TENM4: variants seen among roughly 807,000 people sequenced by gnomAD.
TENM4 encodes the protein teneurin-4.
A neutral mutation model predicts 243.3 loss-of-function variants in TENM4; 82 were observed. The ratio of observed to expected loss-of-function variants is 0.34; its 90% confidence interval spans 0.28 to 0.40. TENM4 has a LOEUF of 0.40. Ranked by LOEUF, TENM4 falls within the 10% of genes least tolerant of loss-of-function variation. The pLI is 1.00. For missense variants in TENM4, 3,138 were observed against 3,673.3 expected (o/e 0.85, Z 3.77); for synonymous variants, 1,412 against 1,456.3 (o/e 0.97, Z 0.69).
chr11:79,245,098 A>G (rs1183411841), intron 2 of TENM4, among the ~76,000 whole-genome samples: 2 of 152,202 alleles, frequency 1.3e-5, no homozygotes, highest in Non-Finnish European at 1.5e-5. Context: ...GTTTATGGCC[A>G]TGGTGCTCTC....
At chr11:79,113,262 A>G (rs5792838) in intron 4 of TENM4, among the ~76,000 whole-genome samples, 3 of 83,956 alleles carry the variant, frequency 3.6e-5, no homozygotes, top group Non-Finnish European at 6.4e-5. Flanking sequence ...AAGAGAGGGA[A>G]GGGGAAGGCT....
At chr11:79,306,049 C>T (rs549661989) in intron 1 of TENM4, among the ~76,000 whole-genome samples, 1 of 152,334 alleles carries the variant, frequency 6.6e-6, no homozygotes, top group African/African-American at 2.4e-5. Context: ...GCCCTCTGAT[C>T]CCTGCACCAC....
At chr11:79,317,889 G>T (rs1330209447) in intron 1 of TENM4, among the ~76,000 whole-genome samples, 1 of 152,138 alleles carries the variant, frequency 6.6e-6, no homozygotes, top group Non-Finnish European at 1.5e-5. Flanking sequence ...TGTCACTGAG[G>T]AATTGTCCTG....
At chr11:79,010,105 TAA>T (rs1274369274) in intron 6 of TENM4, among the ~76,000 whole-genome samples, 1 of 152,172 alleles carries the variant, frequency 6.6e-6, no homozygotes, top group Non-Finnish European at 1.5e-5. Context: ...GTGAGTCAAT[TAA>T]ACCTCTTTCC....
chr11:78,949,991 C>T (rs111999792), intron 6 of TENM4, among the ~76,000 whole-genome samples: 8 of 151,632 alleles, frequency 5.3e-5, no homozygotes, highest in Non-Finnish European at 1.0e-4. Context: ...CTTTGGTTGG[C>T]GGGGCGGGGG....
At chr11:78,956,989 A>G (rs996628026) in intron 6 of TENM4, among the ~76,000 whole-genome samples, 4 of 152,216 alleles carry the variant, frequency 2.6e-5, no homozygotes, top group Non-Finnish European at 4.4e-5. Flanking sequence ...TAAATTAAAT[A>G]CCAATTTTAA....
intron 6 of TENM4, among the ~76,000 whole-genome samples, chr11:78,968,696 G>C (rs1003669602): frequency 3.9e-5 from 6 of 152,148 alleles, no homozygotes; most frequent in Non-Finnish European, 7.3e-5. Flanking sequence ...TTCTCACTAG[G>C]AAAATTCATC....
At chr11:78,755,253 C>T (rs1856279753) in intron 19 of TENM4, among the ~76,000 whole-genome samples, 1 of 152,170 alleles carries the variant, frequency 6.6e-6, no homozygotes, top group East Asian at 1.9e-4. Context: ...CAGCCTCAAC[C>T]TTCTGGGCTC....
chr11:78,916,927 A>G (rs749569456), intron 6 of TENM4, among the ~76,000 whole-genome samples: 9 of 152,204 alleles, frequency 5.9e-5, no homozygotes, highest in Non-Finnish European at 1.0e-4. Context: ...CAAGCTTCTG[A>G]TTGCTCTTTC....
At chr11:79,021,711 T>A (rs1452433826) in intron 6 of TENM4, 1 of 152,222 alleles carries the variant, frequency 6.6e-6, no homozygotes, top group Non-Finnish European at 1.5e-5. Context: ...GGGTGCCCAC[T>A]GCCACAGCTG....
At chr11:79,197,425 G>A (rs191814625) in intron 3 of TENM4, among the ~76,000 whole-genome samples, 6 of 151,842 alleles carry the variant, frequency 4.0e-5, no homozygotes, top group African/African-American at 9.7e-5. Context: ...ACCTTTTGCC[G>A]GAGAGGTACC....
chr11:78,825,441 G>A (rs573929008), intron 12 of TENM4, among the ~76,000 whole-genome samples: 23 of 152,218 alleles, frequency 1.5e-4, no homozygotes, highest in African/African-American at 5.5e-4. Context: ...TGGATTGCTG[G>A]GCCCTACCCA....
In TENM4 at chr11:78,787,032, C is replaced by T; in HGVS notation, c.2231G>A (p.Cys744Tyr). Residue 744 changes from cysteine (C) to tyrosine (Y), a missense_variant, in exon 16 of 34, where the codon TGC becomes TAC. Transcript: ENST00000278550. ...CCCCATCCAGCCATCCTCGCAGCGG[C>T]AGGTGCCCCCTACGCACACGCCATG... ...GGHGVCVGGT[C>Y]RCEDGWMGAA... The T allele has an allele frequency of 6.4e-7, 1 of 1,556,684 alleles. No individual in the cohort carries two copies. Among genetic ancestry groups the T allele is most frequent in the African/African-American group, 1.4e-5 (1 of 73,468 alleles).
rs557089402 is a variant in TENM4 at position 79,327,917 on chromosome 11, C to A, written c.-320-30374G>T. 7.2e-5 allele frequency among the ~76,000 whole-genome samples: 11 copies of A among 152,170 alleles called. 1 individual carries two copies. In the South Asian group the frequency reaches 1.7e-3, roughly 23 times the overall value. The stretch of plus-strand genomic sequence containing the variant: ...TATGAAAAGGAATGTTTCCAGGGCA[C>A]AATTTAGGGAATAGATGCGTCAGTG... On this transcript the variant is annotated intron_variant, in intron 1 of 33. Coordinates refer to ENST00000278550, the MANE Select transcript of TENM4 (RefSeq NM_001098816.3).
chr11:79,027,487 G>A (rs1322902786), intron 6 of TENM4, among the ~76,000 whole-genome samples: 2 of 152,208 alleles, frequency 1.3e-5, no homozygotes, highest in Non-Finnish European at 2.9e-5. Flanking sequence ...TGGCCACAGG[G>A]CCTAGACCCT....
chr11:79,281,828 C>T (rs536070945), intron 2 of TENM4, among the ~76,000 whole-genome samples: 4 of 152,248 alleles, frequency 2.6e-5, no homozygotes, highest in South Asian at 2.1e-4. Flanking sequence ...AAAGTTCAGA[C>T]TCCTTCACAA....
intron 2 of TENM4, among the ~76,000 whole-genome samples, chr11:79,259,638 CA>C (rs1211818932): frequency 1.5e-5 from 2 of 133,534 alleles, no homozygotes; most frequent in African/African-American, 6.0e-5. Context: ...TCCACTCCCC[CA>C]TCCATCCATC....
intron 6 of TENM4, among the ~76,000 whole-genome samples, chr11:79,031,623 T>C (rs1248104068): frequency 2.6e-5 from 4 of 152,074 alleles, no homozygotes; most frequent in Non-Finnish European, 5.9e-5. Context: ...TACAGAATTG[T>C]GGGATAAGAA....
At chr11:78,736,351 T>G (rs949186487) in intron 20 of TENM4, among the ~76,000 whole-genome samples, 1 of 152,136 alleles carries the variant, frequency 6.6e-6, no homozygotes, top group Admixed American at 6.6e-5. Context: ...TGGCCTCTAT[T>G]TTCCATTTTT....
Sources: allele counts gnomAD v4.1 joint callset (sites outside exome capture counted in the v4.1 genomes callset), GRCh38; gene constraint gnomAD v4.1.1; transcripts MANE v1.5; gene names NCBI Gene and HGNC (gene_info 2026-07-23, HGNC 2026-07-21).